Variants in PRKCA observed in about 807,000 individuals in gnomAD.
PRKCA encodes the protein protein kinase C alpha.
In PRKCA, 27 loss-of-function variants were observed where a neutral mutation model predicts 87.0. The ratio of observed to expected loss-of-function variants is 0.31; its 90% CI spans 0.23 to 0.43. The LOEUF is 0.43. Among genes scored for constraint, PRKCA ranks in the 20% least tolerant of loss-of-function variants. The pLI, the probability that PRKCA is intolerant of heterozygous loss-of-function variation, is 1.00. For missense variants in PRKCA, 518 were observed against 852.3 expected (o/e 0.61, Z 4.88); for synonymous variants, 329 against 311.1 (o/e 1.06, Z -0.61).
chr17:66,497,052 G>A (rs543575652), intron 3 of PRKCA, among the ~76,000 whole-genome samples: 11 of 152,252 alleles, frequency 7.2e-5, no homozygotes, highest in Admixed American at 3.9e-4. Context: ...CTGCCTTTTC[G>A]GTGTATGTTA....
intron 5 of PRKCA, among the ~76,000 whole-genome samples, chr17:66,646,070 C>T (rs560302283): frequency 6.6e-6 from 1 of 152,318 alleles, no homozygotes; most frequent in African/African-American, 2.4e-5. Context: ...GAAAAGGAAA[C>T]TGAGGCACAG....
At chr17:66,415,192 T>A (rs1272344688) in intron 2 of PRKCA, 2 of 152,198 alleles carry the variant, frequency 1.3e-5, no homozygotes, top group South Asian at 2.1e-4. Flanking sequence ...TGACTTTAAA[T>A]TCAGCAGTAT....
intron 3 of PRKCA, among the ~76,000 whole-genome samples, chr17:66,637,799 G>A (rs1971185009): frequency 6.6e-6 from 1 of 152,136 alleles, no homozygotes; most frequent in South Asian, 2.1e-4. Flanking sequence ...AGACTGTGAG[G>A]CCCCACCCCC....
In PRKCA at chr17:66,484,894, T is replaced by C. The variant is rs1915932128; in HGVS notation, c.206-11307T>C. On this transcript the variant is annotated intron_variant, in intron 2 of 16. Transcript: ENST00000413366. The stretch of plus-strand genomic sequence containing the variant: ...TGTCATACTTTCTCACTGTTGAAAT[T>C]GAGGAGAAAGGTAAAACTACTTAAT... Among the ~76,000 whole-genome samples, 5 of 152,204 alleles carry C rather than the reference T, an allele frequency of 3.3e-5. 1 individual carries two copies. In the South Asian group the frequency reaches 1.0e-3, roughly 32 times the overall value.
intron 2 of PRKCA, among the ~76,000 whole-genome samples, chr17:66,454,326 G>A (rs1010114527): frequency 1.3e-5 from 2 of 152,208 alleles, no homozygotes; most frequent in Admixed American, 1.3e-4. Context: ...ATGCAGGCTG[G>A]ACCTGGGGCT....
At chr17:66,418,758 T>C (rs551670888) in intron 2 of PRKCA, among the ~76,000 whole-genome samples, 1 of 151,512 alleles carries the variant, frequency 6.6e-6, no homozygotes, top group Non-Finnish European at 1.5e-5. Context: ...TTTCTTTGTT[T>C]GTTTGTTTTT....
intron 8 of PRKCA, among the ~76,000 whole-genome samples, chr17:66,716,309 G>A (rs867542889): frequency 3.9e-5 from 6 of 152,158 alleles, no homozygotes; most frequent in African/African-American, 1.4e-4. Flanking sequence ...CCAAAGGGGA[G>A]CATTCGAGCA....
At chr17:66,508,329 G>A (rs756661132) in intron 3 of PRKCA, among the ~76,000 whole-genome samples, 42 of 152,172 alleles carry the variant, frequency 2.8e-4, no homozygotes, top group Non-Finnish European at 4.9e-4. Context: ...TAAACCAAGG[G>A]GAAAAGTCAG....
intron 8 of PRKCA, among the ~76,000 whole-genome samples, chr17:66,720,359 C>T (rs1296378422): frequency 1.3e-5 from 2 of 152,198 alleles, no homozygotes; most frequent in Non-Finnish European, 2.9e-5. Context: ...AACTGTGCTA[C>T]CCAGGAGGCT....
intron 2 of PRKCA, among the ~76,000 whole-genome samples, chr17:66,423,816 G>T (rs1912628498): frequency 7.0e-6 from 1 of 142,436 alleles, no homozygotes; most frequent in African/African-American, 2.5e-5. Flanking sequence ...AGCCGAATGT[G>T]TTTAAGAATT....
At chr17:66,647,189 C>A (rs933497659) in intron 5 of PRKCA, among the ~76,000 whole-genome samples, 2 of 152,150 alleles carry the variant, frequency 1.3e-5, no homozygotes, top group Non-Finnish European at 2.9e-5. Context: ...TCCACATTGT[C>A]AAAACCATGT....
chr17:66,629,514 C>T (rs762691905), intron 3 of PRKCA, among the ~76,000 whole-genome samples: 1 of 152,124 alleles, frequency 6.6e-6, no homozygotes, highest in African/African-American at 2.4e-5. Flanking sequence ...CTGATTTGTT[C>T]TCAGTCGTAC....
At chr17:66,782,157 C>T (rs917585314) in intron 14 of PRKCA, among the ~76,000 whole-genome samples, 3 of 152,064 alleles carry the variant, frequency 2.0e-5, no homozygotes, top group Middle Eastern at 3.4e-3. Context: ...TGTGATCTGC[C>T]CACCTCGGCC....
intron 2 of PRKCA, among the ~76,000 whole-genome samples, chr17:66,451,727 G>A (rs1325893553): frequency 6.6e-6 from 1 of 152,114 alleles, no homozygotes; most frequent in Admixed American, 6.5e-5. Flanking sequence ...AGGGGCCGGG[G>A]CAAGGAAGGA....
intron 4 of PRKCA, among the ~76,000 whole-genome samples, 174 bp downstream of exon 4, chr17:66,641,640 T>G (rs918343881): frequency 1.2e-4 from 18 of 150,560 alleles, no homozygotes; most frequent in African/African-American, 4.4e-4. Context: ...AGTTCCAGGT[T>G]ATTGAACTAC....
Position 66,804,201 on chromosome 17 carries a change from T to C in PRKCA, c.*164T>C, listed in dbSNP as rs1057298193. 10 of 928,556 alleles carry C rather than the reference T, an allele frequency of 1.1e-5. No homozygotes were observed. The highest frequency in any genetic ancestry group is 1.5e-5 in the Non-Finnish European group (10 of 650,274). 57.5% of individuals were successfully genotyped at this position (928,556 alleles called of 1,614,324 possible). On this transcript the variant is annotated 3_prime_UTR_variant, in exon 17 of 17. Coordinates refer to ENST00000413366, the MANE Select transcript of PRKCA (RefSeq NM_002737.3). ...TCCAAATGTGATCAACTGTTCAGGG[T>C]CTCTCTCTTACAACCAAGAACATTA...
At chr17:66,336,072 A>C (rs527420767) in intron 2 of PRKCA, among the ~76,000 whole-genome samples, 1 of 152,320 alleles carries the variant, frequency 6.6e-6, no homozygotes, top group South Asian at 2.1e-4. Flanking sequence ...TCATTGTTTC[A>C]ATTTAATCCA....
chr17:66,520,561 C>T (rs1426437963), intron 3 of PRKCA, among the ~76,000 whole-genome samples: 1 of 152,194 alleles, frequency 6.6e-6, no homozygotes, highest in Admixed American at 6.5e-5. Context: ...CTTCAAAGAA[C>T]AGAATAACTT....
At chr17:66,332,795 C>A (rs1207452860) in intron 2 of PRKCA, among the ~76,000 whole-genome samples, 2 of 151,680 alleles carry the variant, frequency 1.3e-5, no homozygotes, top group Non-Finnish European at 2.9e-5. Context: ...AGGTTCACGC[C>A]ATTCTCCTGC....
Sources: gnomAD v4.1 joint callset for allele counts (sites outside exome capture counted in the v4.1 genomes callset) on GRCh38, gnomAD v4.1.1 for gene constraint, MANE v1.5 for transcripts, NCBI Gene and HGNC (gene_info 2026-07-23, HGNC 2026-07-21) for gene names.